The following PEX2 variants were observed in gnomAD, a reference collection of about 807,000 sequenced individuals.
The protein encoded by PEX2 is peroxisome biogenesis factor 2.
A neutral mutation model predicts 25.2 loss-of-function variants in PEX2; 19 were observed. The ratio of observed to expected loss-of-function variants is 0.75; its 90% CI spans 0.53 to 1.10. The LOEUF is 1.10. Among genes scored for constraint, PEX2 ranks in the 50% least tolerant of loss-of-function variants. PEX2 has a pLI of 0.00. For missense variants in PEX2, 347 were observed against 350.6 expected (o/e 0.99, Z 0.08); for synonymous variants, 141 against 127.7 (o/e 1.10, Z -0.70).
intron 2 of PEX2, among the ~76,000 whole-genome samples, chr8:76,986,937 C>T (rs1403327360): frequency 6.6e-6 from 1 of 152,140 alleles, no homozygotes; most frequent in Non-Finnish European, 1.5e-5. Flanking sequence ...ACAGAAGGCA[C>T]TCTACAAACA....
chr8:76,999,806 G>A lies in PEX2; in HGVS notation c.-160+184C>T, dbSNP rs551586998. 2.8e-5 allele frequency: 13 copies of A among 456,438 alleles called. No individual in the cohort carries two copies. The Admixed American group carries it at 3.1e-4, about 11-fold the overall frequency. 28.3% of individuals were successfully genotyped at this position (456,438 alleles called of 1,614,324 possible). On this transcript the variant is annotated intron_variant, in intron 1 of 3. Transcript: ENST00000357039. Reference sequence around the variant, plus strand: ...CCTAAAAACATCTTTAGGAGTTTAGGTTTGCTTCACTGCCTTTCCCAAAAT... The same window carrying A: ...CCTAAAAACATCTTTAGGAGTTTAGATTTGCTTCACTGCCTTTCCCAAAAT...
In PEX2 at chr8:76,984,062, C is replaced by A; in HGVS notation, c.117G>T (p.Gln39His). 6.2e-7 allele frequency: 1 copy of A among 1,612,278 alleles called. No individual in the cohort carries two copies. Among genetic ancestry groups the A allele is most frequent in the Non-Finnish European group, 8.5e-7 (1 of 1,179,010 alleles). ...LEQLVWSQFT[Q>H]CFHGFKPGLL... ...GCCCAGGTTTAAATCCATGAAAGCA[C>A]TGAGTAAACTGGGACCAAACTAGCT... The change falls in exon 4 of 4, where the codon CAG becomes CAT. Residue 39 changes from glutamine (Q) to histidine (H), a missense_variant. Transcript: ENST00000357039.
At chr8:76,993,948 A>G (rs1312914514) in intron 1 of PEX2, among the ~76,000 whole-genome samples, 1 of 152,124 alleles carries the variant, frequency 6.6e-6, no homozygotes, top group Admixed American at 6.5e-5. Context: ...CATGTTAAGG[A>G]TATGTGAAAA....
chr8:76,989,453 C>A (rs951370202), intron 1 of PEX2, among the ~76,000 whole-genome samples: 12 of 152,082 alleles, frequency 7.9e-5, no homozygotes, highest in Admixed American at 4.6e-4. Flanking sequence ...GAATCTTTTC[C>A]AGAAGGTTTT....
At chr8:76,992,430 TC>T (rs1365029641) in intron 1 of PEX2, among the ~76,000 whole-genome samples, 4 of 152,026 alleles carry the variant, frequency 2.6e-5, no homozygotes, top group Admixed American at 6.6e-5. Context: ...TCACACATAC[TC>T]CCACCCCACT....
intron 1 of PEX2, among the ~76,000 whole-genome samples, chr8:76,995,988 T>C (rs1586078535): frequency 6.6e-6 from 1 of 151,816 alleles, no homozygotes; most frequent in Non-Finnish European, 1.5e-5. Context: ...CTTTAGGAAA[T>C]CTTGCAAGGG....
In PEX2 at chr8:76,984,175, C is replaced by A; in HGVS notation, c.4G>T (p.Ala2Ser). ...CTCTTCGCATTCTCTTTTCTGGAAG[C>A]CATGTCTTCTCTGAAGGTCTCTAGG... Reference protein sequence around the residue: MASRKENAKSAN... With the variant: MSSRKENAKSAN... Residue 2 changes from alanine (A) to serine (S), a missense_variant, in exon 4 of 4, where the codon GCT becomes TCT. Physicochemically the swap from Ala to Ser is moderately conservative, Grantham distance 99. Transcript: ENST00000357039. 6.2e-7 allele frequency: 1 copy of A among 1,614,022 alleles called. No individual in the cohort carries two copies. Among genetic ancestry groups the A allele is most frequent in the Non-Finnish European group, 8.5e-7 (1 of 1,179,926 alleles).
intron 3 of PEX2, among the ~76,000 whole-genome samples, chr8:76,985,921 T>G (rs1281627788): frequency 2.0e-5 from 3 of 152,186 alleles, no homozygotes; most frequent in Non-Finnish European, 4.4e-5. Context: ...TAAACACAAT[T>G]TATTAGAAGG....
Position 76,983,560 on chromosome 8 carries a change from G to C in PEX2, c.619C>G (p.Leu207Val), listed in dbSNP as rs143986865. The change falls in exon 4 of 4, where the codon CTC becomes GTC. Residue 207 changes from leucine to valine, a missense_variant. Coordinates refer to ENST00000357039, the MANE Select transcript of PEX2 (RefSeq NM_000318.3). ...WHGFAEFLIF[L>V]LPLINVQKLK... Reference sequence around the variant, plus strand: ...TTCTGGACATTGATAAGTGGTAAGAGAAAAATCAGAAATTCAGCAAAACCA... The same window carrying C: ...TTCTGGACATTGATAAGTGGTAAGACAAAAATCAGAAATTCAGCAAAACCA... 7 of 1,613,904 alleles carry C rather than the reference G, an allele frequency of 4.3e-6. No homozygotes were observed. In the Admixed American group the frequency reaches 1.2e-4, roughly 27 times the overall value.
At chr8:76,999,051 G>A (rs1446743473) in intron 1 of PEX2, among the ~76,000 whole-genome samples, 2 of 150,420 alleles carry the variant, frequency 1.3e-5, no homozygotes, top group East Asian at 3.9e-4. Context: ...TCACTCAACT[G>A]TAATCTTTCT....
chr8:77,000,481 C>T (rs1382410413), upstream of PEX2, among the ~76,000 whole-genome samples: 2 of 152,094 alleles, frequency 1.3e-5, no homozygotes, highest in African/African-American at 4.8e-5. Context: ...GGCGAGACGC[C>T]TCCGCGCCTC....
intron 1 of PEX2, among the ~76,000 whole-genome samples, chr8:76,996,424 T>C (rs1807335237): frequency 6.6e-6 from 1 of 152,082 alleles, no homozygotes; most frequent in Admixed American, 6.5e-5. Context: ...ACCCAAAAGT[T>C]AAACATAAAC....
intron 1 of PEX2, among the ~76,000 whole-genome samples, chr8:76,990,082 T>C (rs1344986819): frequency 6.6e-6 from 1 of 152,240 alleles, no homozygotes. Flanking sequence ...GCTGCAGCTC[T>C]GATGTCAGCA....
chr8:76,986,132 T>C (rs1013221626), intron 3 of PEX2, 55 bp downstream of exon 3: 1 of 152,146 alleles, frequency 6.6e-6, no homozygotes, highest in Admixed American at 6.5e-5. Context: ...AAACCAGATA[T>C]ACAACAGGAA....
chr8:76,990,602 G>A (rs1392233660), intron 1 of PEX2, among the ~76,000 whole-genome samples: 1 of 152,082 alleles, frequency 6.6e-6, no homozygotes, highest in Non-Finnish European at 1.5e-5. Flanking sequence ...TTTCAACATT[G>A]TTGTGTCTTA....
At chr8:76,991,126 C>G (rs1339233674) in intron 1 of PEX2, among the ~76,000 whole-genome samples, 2 of 152,166 alleles carry the variant, frequency 1.3e-5, no homozygotes, top group African/African-American at 4.8e-5. Flanking sequence ...ATCTCTTCCT[C>G]AGGTTCCTTA....
chr8:76,986,984 G>T (rs1413255707), intron 2 of PEX2, among the ~76,000 whole-genome samples: 2 of 152,094 alleles, frequency 1.3e-5, no homozygotes, highest in Admixed American at 1.3e-4. Flanking sequence ...TGAAAGTCTG[G>T]GATGTGTGAA....
chr8:76,983,722 T>G lies in PEX2; in HGVS notation c.457A>C (p.Asn153His), dbSNP rs755899245. ...IGLLKLGGLI[N>H]FLIFLQRGKF... ...CCCCTCTGAAGGAAAATCAAAAAAT[T>G]AATCAGCCCACCTAATTTCAAAAGT... The change falls in exon 4 of 4, where the codon AAT becomes CAT. Residue 153 changes from asparagine (N) to histidine (H), a missense_variant. Physicochemically the swap from Asn to His is moderately conservative, Grantham distance 68. Coordinates refer to ENST00000357039, the MANE Select transcript of PEX2 (RefSeq NM_000318.3). 1.9e-6 allele frequency: 3 copies of G among 1,614,040 alleles called. No homozygotes were observed. The highest frequency in any genetic ancestry group is 2.2e-5 in the South Asian group (2 of 91,082).
rs1201697415 is a variant in PEX2 at position 76,983,818 on chromosome 8, A to G, written c.361T>C (p.Tyr121His). 16 of 1,614,216 alleles carry G rather than the reference A, an allele frequency of 9.9e-6. 1 individual carries two copies. The South Asian group carries it at 1.5e-4, about 16-fold the overall frequency. The stretch of plus-strand genomic sequence containing the variant: ...AAATGATGGTTTCGAAACAAATCAT[A>G]GCATCGTTCTTCTAACCACCTGCCA... ...IGGRWLEERCYDLFRNHHLAS... is the reference protein window; with the variant it reads ...IGGRWLEERCHDLFRNHHLAS... The change falls in exon 4 of 4, where the codon TAT becomes CAT. Residue 121 changes from tyrosine (Y) to histidine (H), a missense_variant. Tyr to His is a moderately conservative substitution (Grantham distance 83). Coordinates refer to ENST00000357039, the MANE Select transcript of PEX2 (RefSeq NM_000318.3).
Sources: allele counts gnomAD v4.1 joint callset (sites outside exome capture counted in the v4.1 genomes callset), GRCh38; gene constraint gnomAD v4.1.1; transcripts MANE v1.5; gene names NCBI Gene and HGNC (gene_info 2026-07-23, HGNC 2026-07-21).